The following RALYL variants were observed in gnomAD, a reference collection of about 807,000 sequenced individuals.
The protein encoded by RALYL is RALY RNA binding protein like.
Under a neutral mutation model 35.1 loss-of-function variants are expected in RALYL, and 29 were observed. That is an observed-to-expected ratio of 0.83 (90% CI 0.61 to 1.13). RALYL has a LOEUF of 1.13. Among genes scored for constraint, RALYL ranks in the 50% most tolerant of loss-of-function variants. The pLI is 0.00. For synonymous variants in RALYL, 120 were observed against 127.6 expected, an observed-to-expected ratio of 0.94 and a Z score of 0.40; for missense variants, 359 against 360.4, an observed-to-expected ratio of 1.00 and a Z score of 0.03.
intron 2 of RALYL, among the ~76,000 whole-genome samples, chr8:84,644,731 CT>C (rs201114312): frequency 0.012 from 1,815 of 148,394 alleles, 41 homozygotes; most frequent in African/African-American, 0.041. Flanking sequence ...CCAAGTTTGT[CT>C]TTTTTTTTTC....
intron 8 of RALYL, among the ~76,000 whole-genome samples, chr8:84,893,386 A>G (rs536024500): frequency 1.4e-4 from 22 of 152,322 alleles, no homozygotes; most frequent in African/African-American, 4.6e-4. Flanking sequence ...TTTATTCTCT[A>G]TATTTATATC....
intron 2 of RALYL, among the ~76,000 whole-genome samples, chr8:84,723,625 T>A (rs1287491794): frequency 6.6e-6 from 1 of 151,978 alleles, no homozygotes; most frequent in Non-Finnish European, 1.5e-5. Flanking sequence ...TTTCCATCTT[T>A]CTTCTATGAG....
chr8:84,439,647 G>GT (rs1189474452), intron 1 of RALYL, among the ~76,000 whole-genome samples: 2 of 151,550 alleles, frequency 1.3e-5, no homozygotes, highest in African/African-American at 2.4e-5. Flanking sequence ...ATATTTTGTT[G>GT]TTTTTTTCAT....
rs573632568 is a variant in RALYL at position 84,196,691 on chromosome 8, T to C, written c.-24+12267T>C. 1.1e-4 allele frequency among the ~76,000 whole-genome samples: 17 copies of C among 152,306 alleles called. No homozygotes were observed. In the South Asian group the frequency reaches 2.5e-3, roughly 22 times the overall value. On this transcript the variant is annotated intron_variant, in intron 1 of 8. Coordinates refer to ENST00000521268, the MANE Select transcript of RALYL (RefSeq NM_173848.7). The stretch of plus-strand genomic sequence containing the variant: ...AGAGGCTTCAGGGCTATGTCATGTT[T>C]TCAAACTCCTTTTGGCATTTGTTCC...
At chr8:84,691,643 G>T (rs566971600) in intron 2 of RALYL, among the ~76,000 whole-genome samples, 1 of 151,786 alleles carries the variant, frequency 6.6e-6, no homozygotes, top group East Asian at 1.9e-4. Context: ...CTCATATCTT[G>T]TATAGAAGTG....
chr8:84,750,596 G>C (rs967070826), intron 2 of RALYL, among the ~76,000 whole-genome samples: 1 of 152,130 alleles, frequency 6.6e-6, no homozygotes, highest in African/African-American at 2.4e-5. Context: ...CATTTAAGAG[G>C]AAATAAGATT....
chr8:84,453,108 T>C (rs1418520074), intron 1 of RALYL, among the ~76,000 whole-genome samples: 1 of 152,010 alleles, frequency 6.6e-6, no homozygotes, highest in African/African-American at 2.4e-5. Context: ...TGTGATATTA[T>C]GTTATTTCGT....
At chr8:84,694,820 CTG>C (rs1315134462) in intron 2 of RALYL, among the ~76,000 whole-genome samples, 1 of 151,718 alleles carries the variant, frequency 6.6e-6, no homozygotes, top group African/African-American at 2.4e-5. Flanking sequence ...CCGGAATAGG[CTG>C]TTTGTTTTTT....
chr8:84,801,274 A>G (rs1335761326), intron 3 of RALYL, among the ~76,000 whole-genome samples: 2 of 152,172 alleles, frequency 1.3e-5, no homozygotes, highest in Middle Eastern at 3.2e-3. Flanking sequence ...TGGCCTTATC[A>G]TCTATGGCTT....
intron 7 of RALYL, among the ~76,000 whole-genome samples, chr8:84,877,343 C>T (rs952897747): frequency 1.3e-5 from 2 of 151,884 alleles, no homozygotes; most frequent in Non-Finnish European, 2.9e-5. Flanking sequence ...AAAAATTAGC[C>T]GGATGTGGTG....
At chr8:84,398,442 A>G (rs1461761679) in intron 1 of RALYL, among the ~76,000 whole-genome samples, 1 of 152,166 alleles carries the variant, frequency 6.6e-6, no homozygotes, top group African/African-American at 2.4e-5. Context: ...TTCTTCTTTC[A>G]ATAAATATTG....
chr8:84,890,897 G>A (rs1051534231), intron 8 of RALYL, among the ~76,000 whole-genome samples: 5 of 151,994 alleles, frequency 3.3e-5, no homozygotes, highest in Non-Finnish European at 1.5e-5. Context: ...CTAACCAACA[G>A]GGAAGGAAAG....
intron 2 of RALYL, among the ~76,000 whole-genome samples, chr8:84,718,161 T>C (rs533594809): frequency 6.6e-6 from 1 of 152,292 alleles, no homozygotes; most frequent in African/African-American, 2.4e-5. Flanking sequence ...GGATCTTCAA[T>C]CAGATTATTA....
At chr8:84,766,740 A>C (rs906659926) in intron 2 of RALYL, among the ~76,000 whole-genome samples, 1 of 148,818 alleles carries the variant, frequency 6.7e-6, no homozygotes, top group African/African-American at 2.4e-5. Flanking sequence ...AAAAAAAAAA[A>C]AAAAAAAACT....
At chr8:84,188,982 G>A (rs1813198014) in intron 1 of RALYL, among the ~76,000 whole-genome samples, 1 of 152,150 alleles carries the variant, frequency 6.6e-6, no homozygotes. Flanking sequence ...GAAAATAGAG[G>A]CATTGGTTTA....
chr8:84,614,940 A>G (rs555802567), intron 2 of RALYL, among the ~76,000 whole-genome samples: 2 of 151,656 alleles, frequency 1.3e-5, no homozygotes, highest in Non-Finnish European at 2.9e-5. Context: ...TCAATAAAAT[A>G]TCTTCCTGAA....
chr8:84,233,435 G>A (rs1825811051), intron 1 of RALYL, among the ~76,000 whole-genome samples: 1 of 152,102 alleles, frequency 6.6e-6, no homozygotes, highest in Non-Finnish European at 1.5e-5. Flanking sequence ...TAGTGTGAGG[G>A]AGCTAGACTA....
chr8:84,812,733 C>A (rs1333310573), intron 4 of RALYL, among the ~76,000 whole-genome samples: 2 of 152,146 alleles, frequency 1.3e-5, no homozygotes, highest in African/African-American at 4.8e-5. Flanking sequence ...AGCTCCCATG[C>A]AAACCAAAGG....
At chr8:84,277,205 C>G (rs1835561764) in intron 1 of RALYL, among the ~76,000 whole-genome samples, 1 of 152,102 alleles carries the variant, frequency 6.6e-6, no homozygotes, top group African/African-American at 2.4e-5. Context: ...GCTTGGGAGG[C>G]CTCACAGTCA....
Sources: gnomAD v4.1 joint callset for allele counts (sites outside exome capture counted in the v4.1 genomes callset) on GRCh38, gnomAD v4.1.1 for gene constraint, MANE v1.5 for transcripts, NCBI Gene and HGNC (gene_info 2026-07-23, HGNC 2026-07-21) for gene names.